MKRN2OS: variants seen among roughly 807,000 people sequenced by gnomAD.
MKRN2OS encodes the protein MKRN2 opposite strand.
In MKRN2OS, 17 loss-of-function variants were observed where a neutral mutation model predicts 18.2. That is an observed-to-expected ratio of 0.93 (90% CI 0.64 to 1.40). MKRN2OS has a LOEUF of 1.40. Ranked by LOEUF, MKRN2OS falls within the 40% of genes most tolerant of loss-of-function variation. MKRN2OS has a pLI of 0.00. For missense variants in MKRN2OS, 337 were observed against 283.0 expected, an observed-to-expected ratio of 1.19 and a Z score of -1.37; for synonymous variants, 121 against 108.5, an observed-to-expected ratio of 1.12 and a Z score of -0.72.
intron 1 of MKRN2OS, among the ~76,000 whole-genome samples, chr3:12,555,063 A>C (rs1032649611): frequency 1.6e-4 from 25 of 152,236 alleles, no homozygotes; most frequent in South Asian, 6.2e-4. Flanking sequence ...TAATCCCAGC[A>C]CTTTGGGAGG....
In MKRN2OS at chr3:12,540,212, T is replaced by C. The variant is rs780586863; in HGVS notation, c.653A>G (p.Glu218Gly). The C allele has an allele frequency of 2.6e-6, 4 of 1,536,128 alleles. No homozygotes were observed. Among genetic ancestry groups the C allele is most frequent in the Non-Finnish European group, 3.5e-6 (4 of 1,146,914 alleles). Residue 218 changes from glutamate (E) to glycine (G), a missense_variant, in exon 4 of 4, where the codon GAG becomes GGG. Transcript: ENST00000564146. ...DCPQQQAQPP[E>G]GGGLC Reference sequence around the variant, plus strand: ...TAGCTCTCAGCACAAACCGCCGCCCTCAGGGGGTTGTGCCTGCTGCTGGGG... The same window carrying C: ...TAGCTCTCAGCACAAACCGCCGCCCCCAGGGGGTTGTGCCTGCTGCTGGGG...
downstream of MKRN2OS, among the ~76,000 whole-genome samples, chr3:12,552,561 ACC>A (rs2057937527): frequency 6.6e-6 from 1 of 151,002 alleles, no homozygotes; most frequent in South Asian, 2.1e-4. Flanking sequence ...ACAGGCATGC[ACC>A]ACCACACCTG....
At chr3:12,546,574 G>GTTTTT (rs1559382062), upstream of MKRN2OS, among the ~76,000 whole-genome samples, 6 of 125,048 alleles carry the variant, frequency 4.8e-5, no homozygotes, top group Non-Finnish European at 6.7e-5. Context: ...GGGTACATGG[G>GTTTTT]ATTTTTTTTT....
chr3:12,547,373 A>G (rs1044392748), upstream of MKRN2OS, among the ~76,000 whole-genome samples: 12 of 151,744 alleles, frequency 7.9e-5, no homozygotes, highest in African/African-American at 2.7e-4. Context: ...ACAAGACTTC[A>G]TCTCTACAAA....
Position 12,543,222 on chromosome 3 carries a change from C to G in MKRN2OS, c.226G>C (p.Asp76His). 1 of 1,535,004 alleles carries G rather than the reference C, an allele frequency of 6.5e-7. No homozygotes were observed. The highest frequency in any genetic ancestry group is 8.7e-7 in the Non-Finnish European group (1 of 1,146,518). Residue 76 changes from aspartate (D) to histidine (H), a missense_variant, in exon 2 of 4, where the codon GAT becomes CAT. Transcript: ENST00000564146. ...PTQGTFLREY[D>H]GRSDLHVGIT... ...CCAACATGAAGATCAGACCTTCCAT[C>G]ATACTCTCTGAAAGAAACAAGGTTT...
chr3:12,542,722 A>AC (rs1408015308), intron 2 of MKRN2OS, among the ~76,000 whole-genome samples: 34 of 131,822 alleles, frequency 2.6e-4, no homozygotes, highest in South Asian at 6.4e-4. Flanking sequence ...AAAAAAAAAA[A>AC]AAAAAAAAAA....
chr3:12,541,809 C>CA, intron 3 of MKRN2OS, 51 bp downstream of exon 3: 2 of 1,512,818 alleles, frequency 1.3e-6, no homozygotes, highest in Non-Finnish European at 1.8e-6. Flanking sequence ...GGGGATCCCA[C>CA]TTGCATAGCA....
intron 1 of MKRN2OS, among the ~76,000 whole-genome samples, chr3:12,544,301 A>G (rs1454184448): frequency 6.6e-6 from 1 of 152,158 alleles, no homozygotes; most frequent in Non-Finnish European, 1.5e-5. Context: ...ATACACCAAC[A>G]TTCTATGACC....
intron 1 of MKRN2OS, among the ~76,000 whole-genome samples, chr3:12,557,992 G>T (rs561728685): frequency 2.6e-5 from 4 of 152,330 alleles, no homozygotes; most frequent in Admixed American, 2.6e-4. Context: ...GTGGCTTACT[G>T]GTAATGGAGT....
downstream of MKRN2OS, among the ~76,000 whole-genome samples, chr3:12,553,048 A>G (rs1299617511): frequency 6.6e-6 from 1 of 150,508 alleles, no homozygotes; most frequent in Non-Finnish European, 1.5e-5. Context: ...ATCTTCCTGC[A>G]CAGTAAACTG....
chr3:12,545,508 C>A, upstream of MKRN2OS: 2 of 1,410,776 alleles, frequency 1.4e-6, no homozygotes, highest in Admixed American at 2.3e-5. Flanking sequence ...CCGGAGACTT[C>A]CTTTTCCTCA....
At chr3:12,545,521 A>G, upstream of MKRN2OS, 10 of 1,334,484 alleles carry the variant, frequency 7.5e-6, no homozygotes, top group South Asian at 1.2e-4. Flanking sequence ...TTTCCTCATT[A>G]TACACCTGGC....
At chr3:12,554,972 C>A (rs1167619945) in intron 1 of MKRN2OS, among the ~76,000 whole-genome samples, 1 of 152,082 alleles carries the variant, frequency 6.6e-6, no homozygotes, top group Non-Finnish European at 1.5e-5. Context: ...ACGTTCAGAT[C>A]GTGAATGTAT....
upstream of MKRN2OS, among the ~76,000 whole-genome samples, chr3:12,550,227 A>C (rs1309468540): frequency 4.6e-5 from 7 of 152,248 alleles, no homozygotes; most frequent in African/African-American, 1.7e-4. Flanking sequence ...AAACTGGTAC[A>C]TCCAGACAAG....
chr3:12,557,049 G>A lies in MKRN2OS; in HGVS notation n.265-2915C>T, dbSNP rs547586633. Reference sequence around the variant, plus strand: ...GGGCGGCGTGCGCCGGCGTGCGCCGGCGTGACGCGGCTACGCGGGATGGGC... The same window carrying A: ...GGGCGGCGTGCGCCGGCGTGCGCCGACGTGACGCGGCTACGCGGGATGGGC... On this transcript the variant is annotated intron_variant and non_coding_transcript_variant, in intron 1 of 1. Transcript: ENST00000447550. 6.3e-6 allele frequency: 8 copies of A among 1,274,690 alleles called. No individual in the cohort carries two copies. In the East Asian group the frequency reaches 2.5e-4, roughly 40 times the overall value. The allele number at this position is 1,274,690 out of a possible 1,614,324, so 79.0% of individuals were successfully genotyped here.
At chr3:12,552,994 T>G (rs2057940688), downstream of MKRN2OS, among the ~76,000 whole-genome samples, 1 of 123,516 alleles carries the variant, frequency 8.1e-6, no homozygotes, top group East Asian at 2.3e-4. Flanking sequence ...CCAGCCTGGG[T>G]GACAAAGTGA....
chr3:12,556,679 CAGGGCCTGAGA>C (rs2057973859), intron 1 of MKRN2OS, among the ~76,000 whole-genome samples: 1 of 152,116 alleles, frequency 6.6e-6, no homozygotes, highest in Non-Finnish European at 1.5e-5. Context: ...ACAGTTGAGG[CAGGGCCTGAGA>C]AGGGTGCCCA....
chr3:12,551,645 A>G (rs1330274609), downstream of MKRN2OS, among the ~76,000 whole-genome samples: 1 of 152,160 alleles, frequency 6.6e-6, no homozygotes, highest in East Asian at 1.9e-4. Context: ...TATTAAGAAA[A>G]AAAATCAAGG....
chr3:12,549,279 T>C (rs2057910606), upstream of MKRN2OS, among the ~76,000 whole-genome samples: 1 of 151,560 alleles, frequency 6.6e-6, no homozygotes, highest in Non-Finnish European at 1.5e-5. Context: ...GTTTATGAGA[T>C]GGAGTCTTGC....
Sources: gnomAD v4.1 joint callset for allele counts (sites outside exome capture counted in the v4.1 genomes callset) on GRCh38, gnomAD v4.1.1 for gene constraint, MANE v1.5 for transcripts, NCBI Gene and HGNC (gene_info 2026-07-23, HGNC 2026-07-21) for gene names.